Variants in TNIP3 observed in about 807,000 individuals in gnomAD.
The protein encoded by TNIP3 is TNFAIP3-interacting protein 3.
Under a neutral mutation model 54.1 loss-of-function variants are expected in TNIP3, and 34 were observed. The ratio of observed to expected loss-of-function variants is 0.63; its 90% CI spans 0.48 to 0.84. The LOEUF (loss-of-function observed/expected upper bound fraction) is 0.84, where lower values mean the gene tolerates loss of function less well. Ranked by LOEUF, TNIP3 falls within the 40% of genes least tolerant of loss-of-function variation. TNIP3 has a pLI of 0.00. For synonymous variants in TNIP3, 134 were observed against 136.8 expected (o/e 0.98, Z 0.14); for missense variants, 366 against 387.6 (o/e 0.94, Z 0.47).
At chr4:121,154,404 G>GCTGCATATAACTCTTTCATACTTC in intron 5 of TNIP3, 147 bp downstream of exon 5, 1 of 1,059,244 alleles carries the variant, frequency 9.4e-7, no homozygotes. Context: ...GCAGCTAGGA[G>GCTGCATATAACTCTTTCATACTTC]TGATTTATAA....
At chr4:121,159,279 GA>G (rs1730303128) in intron 2 of TNIP3, among the ~76,000 whole-genome samples, 1 of 152,030 alleles carries the variant, frequency 6.6e-6, no homozygotes, top group Non-Finnish European at 1.5e-5. Context: ...GAAAAGAAAA[GA>G]AAAACCAGTA....
chr4:121,182,819 G>C (rs1204155810), intron 2 of TNIP3: 1 of 1,533,526 alleles, frequency 6.5e-7, no homozygotes, highest in African/African-American at 1.4e-5. Context: ...ACATGGGAAA[G>C]TTACATTATA....
chr4:121,179,137 T>C (rs1209698533), intron 3 of TNIP3, among the ~76,000 whole-genome samples: 2 of 152,164 alleles, frequency 1.3e-5, no homozygotes, highest in African/African-American at 4.8e-5. Flanking sequence ...TGTGAAATGA[T>C]AGCACAGGAA....
At chr4:121,206,521 T>C (rs1726197394) in intron 2 of TNIP3, among the ~76,000 whole-genome samples, 1 of 134,924 alleles carries the variant, frequency 7.4e-6, no homozygotes. Flanking sequence ...GGTGTTGAGA[T>C]GTTACATTTG....
Position 121,208,888 on chromosome 4 carries a change from T to G in TNIP3, c.68+7527A>C, listed in dbSNP as rs953076792. On this transcript the variant is annotated intron_variant, in intron 2 of 12. Transcript: ENST00000507879. Reference sequence around the variant, plus strand: ...GTGGAATCCATGGAGAGCTTCAGGGTGGGGCCGCCAGAAAGATCAAATTTG... The same window carrying G: ...GTGGAATCCATGGAGAGCTTCAGGGGGGGGCCGCCAGAAAGATCAAATTTG... 4.6e-5 allele frequency among the ~76,000 whole-genome samples: 7 copies of G among 152,088 alleles called. No homozygotes were observed. The East Asian group carries it at 1.2e-3, about 25-fold the overall frequency.
In TNIP3 at chr4:121,150,207, C is replaced by T. The variant is rs138649839; in HGVS notation, c.505G>A (p.Ala169Thr). Residue 169 changes from alanine (A) to threonine (T), a missense_variant, in exon 6 of 11, where the codon GCC (alanine) becomes ACC (threonine). Transcript: ENST00000057513. Reference protein sequence around the residue: ...IKRLNKALQDALNIKCSFSED... With the variant: ...IKRLNKALQDTLNIKCSFSED... ...GAAAATGAACACTTGATATTCAAGG[C>T]ATCCTGAAGAGCCTACGTAATAAGA... The T allele has an allele frequency of 3.1e-6, 5 of 1,610,410 alleles. No individual in the cohort carries two copies. The highest frequency in any genetic ancestry group is 4.2e-6 in the Non-Finnish European group (5 of 1,176,910).
At position 121,132,503 on chromosome 4, in the gene TNIP3, G is replaced by T; in HGVS notation, c.*128C>A. The T allele has an allele frequency of 1.2e-6, 1 of 837,032 alleles. No homozygotes were observed. The allele number at this position is 837,032 out of a possible 1,614,324, so 51.9% of individuals were successfully genotyped here. On this transcript the variant is annotated 3_prime_UTR_variant, in exon 11 of 11. Coordinates refer to ENST00000057513, the MANE Select transcript of TNIP3 (RefSeq NM_024873.6). ...CTGTATTCATACCAAAGGAAAACAT[G>T]ACCAGGCACAAATAACAGGGTAGAT...
upstream of TNIP3, among the ~76,000 whole-genome samples, chr4:121,164,618 AAG>A (rs200819850): frequency 6.4e-3 from 981 of 152,338 alleles, 7 homozygotes; most frequent in Admixed American, 0.012. Flanking sequence ...GGTTTCCCTA[AAG>A]GCGAGATTTT....
At chr4:121,136,098 C>CATTTGGTGGA (rs1332637919) in intron 10 of TNIP3, among the ~76,000 whole-genome samples, 3 of 152,184 alleles carry the variant, frequency 2.0e-5, no homozygotes, top group African/African-American at 7.2e-5. Flanking sequence ...GACAACATAT[C>CATTTGGTGGA]CTGGTCAGGT....
intron 10 of TNIP3, among the ~76,000 whole-genome samples, chr4:121,137,068 T>A (rs1560633286): frequency 6.6e-6 from 1 of 152,196 alleles, no homozygotes. Context: ...GTCATCACAA[T>A]TCATTTCTAT....
chr4:121,168,551 T>C (rs1218573042), upstream of TNIP3, among the ~76,000 whole-genome samples: 1 of 147,118 alleles, frequency 6.8e-6, no homozygotes, highest in African/African-American at 2.5e-5. Flanking sequence ...GACAGAGTTA[T>C]GTTCTGTAGT....
intron 5 of TNIP3, 53 bp from the exon 6 acceptor site, chr4:121,150,272 A>T: frequency 8.9e-7 from 1 of 1,124,524 alleles, no homozygotes; most frequent in Non-Finnish European, 1.3e-6. Context: ...CATGGAATGA[A>T]TTCTTTTATA....
chr4:121,163,067 A>T (rs752596949), intron 1 of TNIP3, among the ~76,000 whole-genome samples: 9 of 152,198 alleles, frequency 5.9e-5, no homozygotes, highest in African/African-American at 1.2e-4. Flanking sequence ...GAAAATCTAG[A>T]TACCAAATCT....
chr4:121,216,777 A>G (rs1726812348), upstream of TNIP3: 1 of 498,862 alleles, frequency 2.0e-6, no homozygotes, highest in Admixed American at 3.8e-5. Context: ...GTCCAGGAGC[A>G]AGTAAAAGAA....
At chr4:121,142,082 G>T (rs557545059) in intron 8 of TNIP3, among the ~76,000 whole-genome samples, 168 bp from the exon 9 acceptor site, 1 of 152,084 alleles carries the variant, frequency 6.6e-6, no homozygotes, top group Non-Finnish European at 1.5e-5. Flanking sequence ...CAATACAAAC[G>T]AGGCTCACAG....
In TNIP3 at chr4:121,157,179, G is replaced by C. The variant is rs1730164591; in HGVS notation, c.278C>G (p.Pro93Arg). Reference protein sequence around the residue: ...ERFLSTREKDPHQRQRKDDRQ... With the variant: ...ERFLSTREKDRHQRQRKDDRQ... ...GTCGTCCTTTCTCTGCCTCTGATGC[G>C]GATCCTTCTCCCGCGTGCTGAGGAA... Residue 93 changes from proline to arginine, a missense_variant, in exon 4 of 11, where the codon CCG becomes CGG. Transcript: ENST00000057513. 1 of 1,604,436 alleles carries C rather than the reference G, an allele frequency of 6.2e-7. No individual in the cohort carries two copies. The highest frequency in any genetic ancestry group is 8.5e-7 in the Non-Finnish European group (1 of 1,171,052).
chr4:121,132,738 A>T, intron 10 of TNIP3, 76 bp from the exon 11 acceptor site: 1 of 1,364,386 alleles, frequency 7.3e-7, no homozygotes, highest in Non-Finnish European at 1.0e-6. Context: ...TAAGGCTGAC[A>T]TAAAGTTCCA....
chr4:121,211,090 G>A (rs1394351563), intron 2 of TNIP3, among the ~76,000 whole-genome samples: 2 of 152,106 alleles, frequency 1.3e-5, no homozygotes, highest in African/African-American at 4.8e-5. Context: ...AAAATAACTG[G>A]ACTTGGAAAG....
At chr4:121,184,071 G>GTT (rs1457008484) in intron 2 of TNIP3, among the ~76,000 whole-genome samples, 1 of 151,952 alleles carries the variant, frequency 6.6e-6, no homozygotes, top group Non-Finnish European at 1.5e-5. Context: ...TTGGCATAAT[G>GTT]GAGAAATTAT....
Sources: gnomAD v4.1 joint callset for allele counts (sites outside exome capture counted in the v4.1 genomes callset) on GRCh38, gnomAD v4.1.1 for gene constraint, MANE v1.5 for transcripts, NCBI Gene and HGNC (gene_info 2026-07-23, HGNC 2026-07-21) for gene names.